COL22A1: variants seen among roughly 807,000 people sequenced by gnomAD.
The protein encoded by COL22A1 is collagen type XXII alpha 1 chain.
COL22A1 carries 221 observed loss-of-function variants against 248.9 expected under a neutral mutation model. The ratio of observed to expected loss-of-function variants is 0.89; its 90% CI spans 0.80 to 0.99. The LOEUF (loss-of-function observed/expected upper bound fraction) is 0.99, where lower values mean the gene tolerates loss of function less well. COL22A1 is among the 50% of genes least tolerant of loss of function. The pLI is 0.00. For missense variants in COL22A1, 2,240 were observed against 2,179.0 expected, an observed-to-expected ratio of 1.03 and a Z score of -0.56; for synonymous variants, 891 against 793.4, an observed-to-expected ratio of 1.12 and a Z score of -2.07.
intron 6 of COL22A1, among the ~76,000 whole-genome samples, chr8:138,823,823 T>A (rs906414678): frequency 1.3e-5 from 2 of 152,202 alleles, no homozygotes; most frequent in African/African-American, 4.8e-5. Flanking sequence ...TCTCTCTTCA[T>A]CTCTGTAATC....
chr8:138,603,656 C>T (rs1342560072), intron 59 of COL22A1, among the ~76,000 whole-genome samples: 11 of 152,178 alleles, frequency 7.2e-5, no homozygotes, highest in Admixed American at 7.2e-4. Flanking sequence ...TTCCTCTTTA[C>T]CTCATTCCAG....
At chr8:138,649,618 T>C (rs369153041) in intron 46 of COL22A1, 47 bp downstream of exon 46, 1 of 1,580,462 alleles carries the variant, frequency 6.3e-7, no homozygotes. Context: ...TCCAGAATGA[T>C]ATTTTCATTG....
intron 30 of COL22A1, among the ~76,000 whole-genome samples, chr8:138,708,442 T>C (rs1222417196): frequency 6.6e-6 from 1 of 152,180 alleles, no homozygotes; most frequent in Non-Finnish European, 1.5e-5. Context: ...AACGGAGATA[T>C]AGACCAATGG....
chr8:138,772,343 G>A (rs1834442203), intron 16 of COL22A1, among the ~76,000 whole-genome samples: 1 of 152,182 alleles, frequency 6.6e-6, no homozygotes. Context: ...GTGGGGGTGG[G>A]TGGCTGAAAG....
chr8:138,777,376 C>A (rs1266994979), intron 15 of COL22A1, among the ~76,000 whole-genome samples: 2 of 152,212 alleles, frequency 1.3e-5, no homozygotes, highest in Non-Finnish European at 2.9e-5. Context: ...TTTGGTCACA[C>A]ACAGAGATCA....
intron 4 of COL22A1, among the ~76,000 whole-genome samples, chr8:138,835,155 G>A (rs1252293957): frequency 2.0e-5 from 3 of 152,168 alleles, no homozygotes; most frequent in Non-Finnish European, 2.9e-5. Flanking sequence ...GCACTTTTTG[G>A]ATTGGACCGT....
chr8:138,730,457 A>G (rs1480270468), intron 23 of COL22A1, among the ~76,000 whole-genome samples: 1 of 152,160 alleles, frequency 6.6e-6, no homozygotes, highest in African/African-American at 2.4e-5. Context: ...CCTCCACTCC[A>G]GAAAATTACA....
chr8:138,655,270 G>T (rs1298997962), intron 45 of COL22A1, among the ~76,000 whole-genome samples: 2 of 152,188 alleles, frequency 1.3e-5, no homozygotes, highest in Admixed American at 6.5e-5. Context: ...TATCTGCAGT[G>T]CCCAATAAGG....
rs1006837484 is a variant in COL22A1 at position 138,840,561 on chromosome 8, G to A, written c.733+3523C>T. ...CACACACACACACACACACACACGC[G>A]CTCCTGAATCTTCCCAGCAAGAATC... On this transcript the variant is annotated intron_variant, in intron 4 of 64. Coordinates refer to ENST00000303045, the MANE Select transcript of COL22A1 (RefSeq NM_152888.3). 7.4e-5 allele frequency among the ~76,000 whole-genome samples: 10 copies of A among 134,358 alleles called. No homozygotes were observed. The South Asian group carries it at 2.2e-3, about 29-fold the overall frequency. The allele number at this position is 134,358 out of a possible 152,430, so 88.1% of individuals were successfully genotyped here. A position where few individuals can be genotyped will look rare whatever the true frequency, so the allele number is the denominator to read the frequency against.
At chr8:138,707,679 A>C (rs1303875090) in intron 30 of COL22A1, among the ~76,000 whole-genome samples, 1 of 152,226 alleles carries the variant, frequency 6.6e-6, no homozygotes, top group Non-Finnish European at 1.5e-5. Context: ...AACCAATATC[A>C]TACTGAATGG....
intron 23 of COL22A1, among the ~76,000 whole-genome samples, chr8:138,731,744 T>G (rs183939423): frequency 1.3e-5 from 2 of 152,254 alleles, no homozygotes; most frequent in Non-Finnish European, 2.9e-5. Flanking sequence ...CCCAGAAAGC[T>G]CTTGCATTTT....
chr8:138,797,875 A>C (rs973045447), intron 11 of COL22A1, among the ~76,000 whole-genome samples: 3 of 152,044 alleles, frequency 2.0e-5, no homozygotes, highest in African/African-American at 7.2e-5. Flanking sequence ...TATAATTGCT[A>C]TATTTTTAAG....
At chr8:138,694,185 C>T (rs927779662) in intron 34 of COL22A1, among the ~76,000 whole-genome samples, 2 of 152,204 alleles carry the variant, frequency 1.3e-5, no homozygotes, top group African/African-American at 2.4e-5. Flanking sequence ...CCAAGGTGCC[C>T]CCTATGTGCA....
intron 3 of COL22A1, among the ~76,000 whole-genome samples, chr8:138,862,759 GTTT>G (rs55690333): frequency 0.77 from 112,669 of 145,808 alleles, 43,701 homozygotes; most frequent in East Asian, 0.96. Context: ...AAGATACAAG[GTTT>G]TTTTTTTTTT....
chr8:138,833,623 T>G (rs1281920809), intron 4 of COL22A1, among the ~76,000 whole-genome samples: 2 of 152,262 alleles, frequency 1.3e-5, no homozygotes, highest in East Asian at 3.8e-4. Context: ...TCCTGATTTT[T>G]AAAGAGAGAA....
At chr8:138,638,309 C>A (rs1279046073) in intron 47 of COL22A1, among the ~76,000 whole-genome samples, 1 of 152,190 alleles carries the variant, frequency 6.6e-6, no homozygotes, top group African/African-American at 2.4e-5. Context: ...GTAGGTCAAT[C>A]TTTGTTGTGG....
At chr8:138,737,887 G>C (rs1268869940) in intron 22 of COL22A1, among the ~76,000 whole-genome samples, 1 of 152,028 alleles carries the variant, frequency 6.6e-6, no homozygotes, top group Non-Finnish European at 1.5e-5. Context: ...CCCAGTCTCA[G>C]CCACTCAGTT....
At chr8:138,670,697 C>T (rs975222903) in intron 41 of COL22A1, among the ~76,000 whole-genome samples, 4 of 152,034 alleles carry the variant, frequency 2.6e-5, no homozygotes, top group African/African-American at 2.4e-5. Context: ...CGGTGGCTCA[C>T]GTTTGTAATT....
At chr8:138,781,040 T>C in intron 12 of COL22A1, 60 bp from the exon 13 acceptor site, 1 of 1,249,154 alleles carries the variant, frequency 8.0e-7, no homozygotes, top group South Asian at 1.4e-5. Context: ...GCTCTCAGAA[T>C]GCTAGTGCAG....
Sources: gnomAD v4.1 joint callset for allele counts (sites outside exome capture counted in the v4.1 genomes callset) on GRCh38, gnomAD v4.1.1 for gene constraint, MANE v1.5 for transcripts, NCBI Gene and HGNC (gene_info 2026-07-23, HGNC 2026-07-21) for gene names.